RETREG3: variants seen among roughly 807,000 people sequenced by gnomAD.
RETREG3 encodes the protein reticulophagy regulator family member 3, also known as reticulophagy regulator 3.
Under a neutral mutation model 50.2 loss-of-function variants are expected in RETREG3, and 23 were observed. The ratio of observed to expected loss-of-function variants is 0.46; its 90% CI spans 0.33 to 0.65. The LOEUF (loss-of-function observed/expected upper bound fraction) is 0.65, where lower values mean the gene tolerates loss of function less well. Ranked by LOEUF, RETREG3 falls within the 30% of genes least tolerant of loss-of-function variation. The probability of loss-of-function intolerance (pLI) is 0.02; values close to 1 mark genes in which losing one functional copy is unlikely to be tolerated. For missense variants in RETREG3, 546 were observed against 598.0 expected (o/e 0.91, Z 0.91); for synonymous variants, 240 against 234.4 (o/e 1.02, Z -0.22).
At chr17:42,598,937 C>T (rs1482335549) in intron 1 of RETREG3, 1 of 151,708 alleles carries the variant, frequency 6.6e-6, no homozygotes, top group Non-Finnish European at 1.5e-5. Context: ...TAATGTTTAC[C>T]AGTTTATTAT....
At chr17:42,606,971 TG>T (rs1370645638) in intron 1 of RETREG3, among the ~76,000 whole-genome samples, 1 of 152,208 alleles carries the variant, frequency 6.6e-6, no homozygotes, top group Non-Finnish European at 1.5e-5. Flanking sequence ...CACTCCAGCC[TG>T]GGCAACAAGA....
Position 42,586,850 on chromosome 17 carries a change from A to C in RETREG3, c.419T>G (p.Leu140Arg). Residue 140 changes from leucine (L) to arginine (R), a missense_variant, in exon 4 of 9, where the codon CTC (leucine) becomes CGC (arginine). Coordinates refer to ENST00000309428, the MANE Select transcript of RETREG3 (RefSeq NM_178126.4). ...VHPRLLSVPE[L>R]CHHVAEVWVS... ...CCAGACTTCAGCTACATGGTGGCAG[A>C]GCTCGGGCACGCTGAGCAACCGAGG... 1 of 1,614,144 alleles carries C rather than the reference A, an allele frequency of 6.2e-7. No individual in the cohort carries two copies.
upstream of RETREG3, chr17:42,609,404 CG>C: frequency 1.4e-6 from 2 of 1,457,234 alleles, no homozygotes; most frequent in South Asian, 1.3e-5. Flanking sequence ...CGCGATTCGG[CG>C]GGGGAGGTGG....
intron 1 of RETREG3, among the ~76,000 whole-genome samples, chr17:42,599,943 G>A (rs558458174): frequency 3.3e-5 from 5 of 152,068 alleles, no homozygotes; most frequent in African/African-American, 7.2e-5. Context: ...GCAGCGAGCC[G>A]TTATCGTGCC....
rs544113869 is a variant in RETREG3 at position 42,595,669 on chromosome 17, T to C, written c.240-3507A>G. On this transcript the variant is annotated intron_variant, in intron 1 of 8. Transcript: ENST00000309428. ...TGACAACCCTATTTCTTTCTTTCTT[T>C]TTTTTTTTTTTTTTTGAGACGGAGT... Among the ~76,000 whole-genome samples, 192 of 146,554 alleles carry C rather than the reference T, an allele frequency of 1.3e-3. 4 individuals carry two copies. In the South Asian group the frequency reaches 0.036, roughly 28 times the overall value.
Position 42,585,186 on chromosome 17 carries a change from A to G in RETREG3, c.666T>C (p.Ala222=). The G allele has an allele frequency of 6.2e-7, 1 of 1,613,996 alleles. No individual in the cohort carries two copies. The highest frequency in any genetic ancestry group is 8.5e-7 in the Non-Finnish European group (1 of 1,180,038). The change falls in exon 6 of 9, where the codon GCT becomes GCC. Residue 222 remains alanine, a synonymous_variant. Coordinates refer to ENST00000309428, the MANE Select transcript of RETREG3 (RefSeq NM_178126.4). ...GGACACTGAAGTCTAGCCGCTGCAG[A>G]GCTGGCTTCAGCCGCACATATGCTC... ...WDRAYVRLKP[A]LQRLDFSVRG...
intron 1 of RETREG3, among the ~76,000 whole-genome samples, chr17:42,604,039 A>G (rs1391362577): frequency 6.6e-6 from 1 of 151,660 alleles, no homozygotes; most frequent in Non-Finnish European, 1.5e-5. Flanking sequence ...AAATATCTCT[A>G]CTTAAATGGG....
rs1046310861 is a variant in RETREG3 at position 42,592,809 on chromosome 17, G to A, written c.240-647C>T. Among the ~76,000 whole-genome samples, 10 of 152,014 alleles carry A rather than the reference G, an allele frequency of 6.6e-5. No homozygotes were observed. The East Asian group carries it at 9.6e-4, about 15-fold the overall frequency. On this transcript the variant is annotated intron_variant, in intron 1 of 8. Transcript: ENST00000309428. ...TCTACCAAAAATACAAAAATTAGCCGGGTGTGGTGGTGTGCACCTGTAATC... is the reference window on the plus strand; with the variant it reads ...TCTACCAAAAATACAAAAATTAGCCAGGTGTGGTGGTGTGCACCTGTAATC...
At chr17:42,601,371 G>T (rs1362393083) in intron 1 of RETREG3, among the ~76,000 whole-genome samples, 1 of 151,692 alleles carries the variant, frequency 6.6e-6, no homozygotes, top group East Asian at 2.0e-4. Context: ...AGGAGATCGA[G>T]ACCATCCTGG....
At chr17:42,600,858 C>T (rs1405652914) in intron 1 of RETREG3, among the ~76,000 whole-genome samples, 1 of 152,148 alleles carries the variant, frequency 6.6e-6, no homozygotes, top group Non-Finnish European at 1.5e-5. Flanking sequence ...GTGATGAACT[C>T]CTGTGGTCTC....
chr17:42,586,465 CACA>C (rs2093121447), intron 4 of RETREG3: 2 of 415,628 alleles, frequency 4.8e-6, no homozygotes, highest in East Asian at 4.4e-5. Flanking sequence ...CCCAAAAAAA[CACA>C]ACAACCTATC....
chr17:42,602,994 T>C (rs1430907541), intron 1 of RETREG3, among the ~76,000 whole-genome samples: 1 of 152,124 alleles, frequency 6.6e-6, no homozygotes, highest in East Asian at 1.9e-4. Flanking sequence ...CATTTACATA[T>C]ATTTGAATTC....
rs150417377 is a variant in RETREG3, at chr17:42,596,175, C to T, written c.240-4013G>A. Reference sequence around the variant, plus strand: ...CTTGAGCCCAGGAGTTCGAGACCAGCCTGGACAATATAGTGAGACCCTGTC... The same window carrying T: ...CTTGAGCCCAGGAGTTCGAGACCAGTCTGGACAATATAGTGAGACCCTGTC... On this transcript the variant is annotated intron_variant, in intron 1 of 8. Transcript: ENST00000309428. Among the ~76,000 whole-genome samples, 637 of 150,894 alleles carry T rather than the reference C, an allele frequency of 4.2e-3. 5 individuals are homozygous for T. Among genetic ancestry groups the T allele is most frequent in the African/African-American group, 0.015 (616 of 41,086 alleles).
intron 1 of RETREG3, among the ~76,000 whole-genome samples, chr17:42,604,347 T>C (rs1192824580): frequency 6.6e-6 from 1 of 152,098 alleles, no homozygotes; most frequent in African/African-American, 2.4e-5. Context: ...TCCTAATTCA[T>C]AGACTATGTA....
chr17:42,595,112 T>G (rs947693255), intron 1 of RETREG3, among the ~76,000 whole-genome samples: 2 of 150,778 alleles, frequency 1.3e-5, no homozygotes. Flanking sequence ...ACTACATGCA[T>G]GCACCACCAC....
At chr17:42,601,231 T>C (rs1447629436) in intron 1 of RETREG3, among the ~76,000 whole-genome samples, 6 of 147,516 alleles carry the variant, frequency 4.1e-5, no homozygotes, top group East Asian at 2.0e-4. Flanking sequence ...GAGCTGAGAT[T>C]GTGCCACTGC....
At chr17:42,587,406 C>A (rs570243515) in intron 3 of RETREG3, among the ~76,000 whole-genome samples, 18 of 152,352 alleles carry the variant, frequency 1.2e-4, no homozygotes, top group South Asian at 4.1e-4. Context: ...CTGTAAGACA[C>A]AAGAGGAATC....
intron 1 of RETREG3, 120 bp from the exon 2 acceptor site, chr17:42,592,282 T>C (rs186086421): frequency 1.5e-4 from 111 of 718,320 alleles, no homozygotes; most frequent in Non-Finnish European, 2.2e-4. Flanking sequence ...TTTTTTGTTC[T>C]GACACTTAAC....
intron 1 of RETREG3, among the ~76,000 whole-genome samples, chr17:42,602,037 T>C (rs914682231): frequency 9.2e-5 from 14 of 152,054 alleles, no homozygotes; most frequent in African/African-American, 2.9e-4. Flanking sequence ...GCTTTATTGG[T>C]CGGGCACCGT....
Sources: allele counts gnomAD v4.1 joint callset (sites outside exome capture counted in the v4.1 genomes callset), GRCh38; gene constraint gnomAD v4.1.1; transcripts MANE v1.5; gene names NCBI Gene and HGNC (gene_info 2026-07-23, HGNC 2026-07-21).